The following FGF14 variants were observed in gnomAD, a reference collection of about 807,000 sequenced individuals.
FGF14 encodes fibroblast growth factor homologous factor 4.
Under a neutral mutation model 25.5 loss-of-function variants are expected in FGF14, and 5 were observed. The observed-to-expected ratio is 0.20, with a 90% CI of 0.10 to 0.41. The LOEUF (loss-of-function observed/expected upper bound fraction) is 0.41. FGF14 is among the 10% of genes least tolerant of loss of function. FGF14 has a pLI of 1.00. For missense variants in FGF14, 222 were observed against 320.1 expected (o/e 0.69, Z 2.34); for synonymous variants, 138 against 118.3 (o/e 1.17, Z -1.08).
intron 1 of FGF14, among the ~76,000 whole-genome samples, chr13:102,163,451 C>T (rs772405907): frequency 1.3e-5 from 2 of 152,142 alleles, no homozygotes; most frequent in Non-Finnish European, 2.9e-5. Context: ...TGTTGAGGCT[C>T]TGCCATCGAG....
chr13:101,756,264 T>C (rs2037642686), intron 3 of FGF14, among the ~76,000 whole-genome samples: 1 of 152,212 alleles, frequency 6.6e-6, no homozygotes, highest in Non-Finnish European at 1.5e-5. Flanking sequence ...TTTCTTTGTG[T>C]TTTAATAGAA....
chr13:101,758,404 G>A (rs1274414573), intron 3 of FGF14, among the ~76,000 whole-genome samples: 1 of 152,236 alleles, frequency 6.6e-6, no homozygotes, highest in Non-Finnish European at 1.5e-5. Context: ...TTTGTCTAGG[G>A]ACCACACTTT....
intron 1 of FGF14, among the ~76,000 whole-genome samples, chr13:102,304,628 T>C (rs1414529305): frequency 6.6e-6 from 1 of 152,148 alleles, no homozygotes; most frequent in Admixed American, 6.5e-5. Flanking sequence ...TAGCTGAGAT[T>C]AGGCCATAGA....
At chr13:101,757,056 TTA>T (rs1337788544) in intron 3 of FGF14, among the ~76,000 whole-genome samples, 1 of 152,160 alleles carries the variant, frequency 6.6e-6, no homozygotes, top group Non-Finnish European at 1.5e-5. Flanking sequence ...AGCAGAGGAG[TTA>T]TAACACAAAT....
At chr13:102,207,531 A>G (rs1221774088) in intron 1 of FGF14, among the ~76,000 whole-genome samples, 1 of 150,506 alleles carries the variant, frequency 6.6e-6, no homozygotes, top group African/African-American at 2.5e-5. Flanking sequence ...TCTGAAAAGC[A>G]TTTGAAAAAT....
intron 1 of FGF14, among the ~76,000 whole-genome samples, chr13:102,384,331 T>C (rs1289096981): frequency 6.6e-6 from 1 of 152,168 alleles, no homozygotes; most frequent in Non-Finnish European, 1.5e-5. Context: ...AAAGGATAAA[T>C]ATTCTTGATA....
At chr13:102,338,814 G>T (rs1187471985) in intron 1 of FGF14, among the ~76,000 whole-genome samples, 2 of 152,026 alleles carry the variant, frequency 1.3e-5, no homozygotes, top group Non-Finnish European at 2.9e-5. Flanking sequence ...AGGAGCTCGA[G>T]ACCAGCCTAG....
chr13:102,202,020 G>T (rs1362452087), intron 1 of FGF14, among the ~76,000 whole-genome samples: 6 of 152,062 alleles, frequency 3.9e-5, no homozygotes, highest in Non-Finnish European at 7.4e-5. Context: ...ATGAGATCTG[G>T]TTGTTTAAAA....
intron 1 of FGF14, among the ~76,000 whole-genome samples, chr13:102,246,367 A>G (rs1186402081): frequency 6.6e-6 from 1 of 152,120 alleles, no homozygotes; most frequent in Non-Finnish European, 1.5e-5. Flanking sequence ...AAGCAATGCT[A>G]CACAGATGTA....
intron 1 of FGF14, among the ~76,000 whole-genome samples, chr13:102,239,121 C>G (rs2051465972): frequency 6.6e-6 from 1 of 152,022 alleles, no homozygotes; most frequent in African/African-American, 2.4e-5. Context: ...TAAATGACAA[C>G]CCCAAGATCC....
intron 1 of FGF14, among the ~76,000 whole-genome samples, chr13:102,215,167 C>T (rs1014993630): frequency 1.3e-5 from 2 of 152,206 alleles, no homozygotes; most frequent in African/African-American, 4.8e-5. Flanking sequence ...ATGGGAGACA[C>T]TGACAGGTTA....
At chr13:102,340,440 TACACACAC>T (rs139037869) in intron 1 of FGF14, among the ~76,000 whole-genome samples, 2 of 148,612 alleles carry the variant, frequency 1.3e-5, no homozygotes, top group South Asian at 2.1e-4. Flanking sequence ...TACAAACACA[TACACACAC>T]ACACACACAC....
chr13:102,295,836 C>T (rs977069386), intron 1 of FGF14, among the ~76,000 whole-genome samples: 1 of 152,106 alleles, frequency 6.6e-6, no homozygotes, highest in Non-Finnish European at 1.5e-5. Context: ...AAAATATTTA[C>T]ACCATTCAGC....
chr13:102,269,322 T>C (rs2053138399), intron 1 of FGF14, among the ~76,000 whole-genome samples: 3 of 152,212 alleles, frequency 2.0e-5, no homozygotes, highest in South Asian at 4.1e-4. Context: ...TCTGTCAGCA[T>C]GGATAGCACA....
In FGF14 at chr13:101,888,060, A is replaced by T. The variant is rs368386901; in HGVS notation, c.194-12764T>A. ...GAGATGTCCTCCTGGGAGGAAGTCC[A>T]AAGTATTTTTTGAAGACAGATGGGT... is the stretch of plus-strand genomic sequence containing the variant. On this transcript the variant is annotated intron_variant, in intron 1 of 4. Coordinates refer to ENST00000376143, the MANE Select transcript of FGF14 (RefSeq NM_004115.4). Among the ~76,000 whole-genome samples, 22 of 152,298 alleles carry T rather than the reference A, an allele frequency of 1.4e-4. No homozygotes were observed. The East Asian group carries it at 3.5e-3, about 24-fold the overall frequency.
At position 101,785,152 on chromosome 13, in the gene FGF14, T is replaced by C. The variant is rs576325311; in HGVS notation, c.409-58342A>G. 5.0e-4 allele frequency among the ~76,000 whole-genome samples: 76 copies of C among 152,238 alleles called. 1 individual carries two copies. Among genetic ancestry groups the C allele is most frequent in the African/African-American group, 1.5e-3 (64 of 41,576 alleles). On this transcript the variant is annotated intron_variant, in intron 3 of 4. Transcript: ENST00000376143. ...ACATGTCTTCCAAATGTACATATAA[T>C]GCATACATGGATGTGACATTGGTAT...
intron 1 of FGF14, among the ~76,000 whole-genome samples, chr13:101,990,853 C>T (rs1420999986): frequency 7.2e-5 from 11 of 152,076 alleles, no homozygotes; most frequent in Admixed American, 7.2e-4. Flanking sequence ...CAGTTTTTCA[C>T]ATATAGCATT....
chr13:101,856,718 T>C (rs2044144158), intron 3 of FGF14, among the ~76,000 whole-genome samples: 1 of 151,992 alleles, frequency 6.6e-6, no homozygotes, highest in African/African-American at 2.4e-5. Flanking sequence ...TTGTTTCTTA[T>C]AACACAATAA....
intron 1 of FGF14, among the ~76,000 whole-genome samples, chr13:102,167,972 G>A (rs773848393): frequency 6.6e-6 from 1 of 151,850 alleles, no homozygotes; most frequent in East Asian, 1.9e-4. Flanking sequence ...TAACTTTCTC[G>A]CCCTCTATGT....
Sources: gnomAD v4.1 joint callset for allele counts (sites outside exome capture counted in the v4.1 genomes callset) on GRCh38, gnomAD v4.1.1 for gene constraint, MANE v1.5 for transcripts, NCBI Gene and HGNC (gene_info 2026-07-23, HGNC 2026-07-21) for gene names.